Variants in SNX18 observed in about 807,000 individuals in gnomAD.
SNX18 encodes sorting nexin 18.
SNX18 carries 35 observed loss-of-function variants against 48.7 expected under a neutral mutation model. That is an observed-to-expected ratio of 0.72 (90% CI 0.55 to 0.95). The LOEUF is 0.95. Ranked by LOEUF, SNX18 falls within the 40% of genes least tolerant of loss-of-function variation. The pLI is 0.00. For synonymous variants in SNX18, 492 were observed against 384.7 expected, an observed-to-expected ratio of 1.28 and a Z score of -3.26; for missense variants, 824 against 871.0, an observed-to-expected ratio of 0.95 and a Z score of 0.68.
chr5:54,592,889 C>T, the SNX18 span, among the ~76,000 whole-genome samples: 1 of 152,224 alleles, frequency 6.6e-6, no homozygotes, highest in Admixed American at 6.5e-5. Context: ...CAACCTCCAC[C>T]TCCCAGGTTC....
At position 54,545,557 on chromosome 5, in the gene SNX18, T is replaced by C. The variant is rs567215491; in HGVS notation, c.*2125T>C. 1.2e-4 allele frequency: 18 copies of C among 152,290 alleles called. No homozygotes were observed. The highest frequency in any genetic ancestry group is 1.2e-3 in the Admixed American group (18 of 15,286). 9.4% of individuals were successfully genotyped at this position (152,290 alleles called of 1,614,324 possible). ...AGATGAAAGTACAAGGAAGTATAAG[T>C]TATACTTATGTAAGTATAAATTCAT... On this transcript the variant is annotated 3_prime_UTR_variant, in exon 2 of 2. Transcript: ENST00000381410.
At position 54,518,315 on chromosome 5, in the gene SNX18, G is replaced by T; in HGVS notation, c.363G>T (p.Pro121=). The T allele has an allele frequency of 6.5e-7, 1 of 1,534,534 alleles. No homozygotes were observed. The highest frequency in any genetic ancestry group is 8.7e-7 in the Non-Finnish European group (1 of 1,143,634). The change falls in exon 1 of 2, where the codon CCG becomes CCT. Residue 121 remains proline (P), a synonymous_variant. Coordinates refer to ENST00000381410, the MANE Select transcript of SNX18 (RefSeq NM_001102575.2). ...CGCCGCCTCCGAGCACCTTCCAGCC[G>T]CCCGGCGCGGGCTTCCCGTACGGCG... ...QQAPPPSTFQ[P]PGAGFPYGGG...
the SNX18 span, among the ~76,000 whole-genome samples, chr5:54,591,169 GTT>G: frequency 1.1e-4 from 16 of 150,660 alleles, no homozygotes; most frequent in African/African-American, 2.9e-4. Flanking sequence ...TGTTTTTTGG[GTT>G]TTTTTTTTGT....
In SNX18 at chr5:54,543,366, A is replaced by G; in HGVS notation, c.1809A>G (p.Gln603=). Residue 603 remains glutamine, a synonymous_variant, in exon 2 of 2, where the codon CAA becomes CAG. Transcript: ENST00000381410. ...AGATGCAGCATTTCTTACAACAACAAATAATATTTTTCCAAAAAGTTACCC... is the reference window on the plus strand; with the variant it reads ...AGATGCAGCATTTCTTACAACAACAGATAATATTTTTCCAAAAAGTTACCC... ...KSQMQHFLQQ[Q]IIFFQKVTQK... 1.2e-6 allele frequency: 2 copies of G among 1,614,152 alleles called. No individual in the cohort carries two copies. The highest frequency in any genetic ancestry group is 1.7e-6 in the Non-Finnish European group (2 of 1,180,012).
the SNX18 span, among the ~76,000 whole-genome samples, chr5:54,591,117 C>T: frequency 6.6e-6 from 1 of 152,150 alleles, no homozygotes; most frequent in African/African-American, 2.4e-5. Context: ...AAAGGTACCA[C>T]TCTTGACCAC....
the SNX18 span, among the ~76,000 whole-genome samples, chr5:54,617,106 C>G: frequency 8.5e-5 from 13 of 152,172 alleles, no homozygotes; most frequent in Non-Finnish European, 1.5e-5. Flanking sequence ...GTCAAAGGCC[C>G]CTTCAAAGAA....
At chr5:54,553,526 C>T in the SNX18 span, among the ~76,000 whole-genome samples, 1 of 152,202 alleles carries the variant, frequency 6.6e-6, no homozygotes, top group Non-Finnish European at 1.5e-5. Flanking sequence ...TAACAATCAT[C>T]TTGGTGTGAT....
At chr5:54,548,059 T>G (rs1381705773), downstream of SNX18, among the ~76,000 whole-genome samples, 1 of 152,154 alleles carries the variant, frequency 6.6e-6, no homozygotes, top group East Asian at 1.9e-4. Flanking sequence ...TGGGGGAAGT[T>G]AATCTGGGAT....
intron 1 of SNX18, among the ~76,000 whole-genome samples, chr5:54,531,264 G>T (rs148296682): frequency 1.2e-4 from 19 of 152,192 alleles, no homozygotes; most frequent in Admixed American, 1.1e-3. Context: ...TGAGGCGCTG[G>T]CTCTCCTGAG....
At position 54,518,215 on chromosome 5, in the gene SNX18, C is replaced by A. The variant is rs747869803; in HGVS notation, c.263C>A (p.Pro88His). The change falls in exon 1 of 2, where the codon CCC becomes CAC. Residue 88 changes from proline to histidine, a missense_variant. By Grantham distance (77) the Pro-to-His change is moderately conservative. Around this residue, in one of 3 missense-constraint regions of SNX18, gnomAD observed 377 missense variants for 350.6 expected, o/e 1.08. Coordinates refer to ENST00000381410, the MANE Select transcript of SNX18 (RefSeq NM_001102575.2). ...YANVPPGGFE[P>H]LPVAPPASFK... The stretch of plus-strand genomic sequence containing the variant: ...AATGTGCCCCCCGGGGGCTTCGAGC[C>A]CCTGCCTGTCGCGCCCCCCGCCTCC... 1.4e-6 allele frequency: 2 copies of A among 1,407,374 alleles called. No homozygotes were observed. The highest frequency in any genetic ancestry group is 1.8e-6 in the Non-Finnish European group (2 of 1,090,552). The allele number at this position is 1,407,374 out of a possible 1,614,324, so 87.2% of individuals were successfully genotyped here.
the SNX18 span, among the ~76,000 whole-genome samples, chr5:54,621,728 C>T: frequency 4.6e-5 from 7 of 152,108 alleles, no homozygotes; most frequent in East Asian, 1.9e-4. Context: ...AAGATAGACC[C>T]CTCTGGCTGC....
chr5:54,582,855 C>G, the SNX18 span, among the ~76,000 whole-genome samples: 154 of 151,900 alleles, frequency 1.0e-3, no homozygotes, highest in African/African-American at 3.5e-3. Flanking sequence ...TTAAAAGAAG[C>G]AAACCAACCA....
chr5:54,604,834 G>C, the SNX18 span, among the ~76,000 whole-genome samples: 2 of 152,154 alleles, frequency 1.3e-5, no homozygotes, highest in East Asian at 3.9e-4. Flanking sequence ...TAAGGTAAGA[G>C]GATGACTGGA....
At chr5:54,585,153 C>T in the SNX18 span, among the ~76,000 whole-genome samples, 2 of 151,906 alleles carry the variant, frequency 1.3e-5, no homozygotes, top group East Asian at 3.9e-4. Flanking sequence ...TCAGCCAGGC[C>T]TAGTGGCATG....
the SNX18 span, among the ~76,000 whole-genome samples, chr5:54,576,678 A>T: frequency 6.6e-6 from 1 of 152,224 alleles, no homozygotes; most frequent in Admixed American, 6.5e-5. Flanking sequence ...ACTTCAAGGC[A>T]TGGCTGAATG....
chr5:54,632,681 G>A, the SNX18 span, among the ~76,000 whole-genome samples: 1 of 152,060 alleles, frequency 6.6e-6, no homozygotes, highest in Non-Finnish European at 1.5e-5. Flanking sequence ...AGGGATGAGG[G>A]GATTTGTTGT....
chr5:54,518,075 G>T lies in SNX18; in HGVS notation c.123G>T (p.Gly41=). The T allele has an allele frequency of 6.5e-7, 1 of 1,541,148 alleles. No homozygotes were observed. The highest frequency in any genetic ancestry group is 8.7e-7 in the Non-Finnish European group (1 of 1,149,532). The change falls in exon 1 of 2, where the codon GGG becomes GGT. Residue 41 remains glycine (G), a synonymous_variant. Coordinates refer to ENST00000381410, the MANE Select transcript of SNX18 (RefSeq NM_001102575.2). ...AGGACATCGAGGGCTGGCTCGAGGG[G>T]GTCAACAGCCGCGGCGACCGCGGCC... ...SEQDIEGWLE[G]VNSRGDRGLF...
chr5:54,556,494 C>T, the SNX18 span, among the ~76,000 whole-genome samples: 1 of 152,206 alleles, frequency 6.6e-6, no homozygotes, highest in Non-Finnish European at 1.5e-5. Context: ...ATTTAAAGCA[C>T]TCTTGGGATT....
chr5:54,647,821 G>C, the SNX18 span, among the ~76,000 whole-genome samples: 1 of 152,142 alleles, frequency 6.6e-6, no homozygotes, highest in African/African-American at 2.4e-5. Context: ...GGGATGAAGA[G>C]TTGAGAACAG....
Sources: allele counts gnomAD v4.1 joint callset (sites outside exome capture counted in the v4.1 genomes callset), GRCh38; gene constraint gnomAD v4.1.1; regional missense constraint gnomAD v4.1.1; transcripts MANE v1.5; gene names NCBI Gene and HGNC (gene_info 2026-07-23, HGNC 2026-07-21).